RIMBP2: variants seen among roughly 807,000 people sequenced by gnomAD.
The protein encoded by RIMBP2 is RIMS-binding protein 2.
Under a neutral mutation model 118.6 loss-of-function variants are expected in RIMBP2, and 48 were observed. The observed-to-expected ratio is 0.40, with a 90% CI of 0.32 to 0.51. The LOEUF is 0.51. Ranked by LOEUF, RIMBP2 falls within the 20% of genes least tolerant of loss-of-function variation. The pLI is 0.41. For missense variants in RIMBP2, 1,551 were observed against 1,768.3 expected, an observed-to-expected ratio of 0.88 and a Z score of 2.20; for synonymous variants, 762 against 742.9, an observed-to-expected ratio of 1.03 and a Z score of -0.42.
chr12:130,399,644 G>A (rs758270659), intron 22 of RIMBP2, 35 bp downstream of exon 22: 2 of 1,612,060 alleles, frequency 1.2e-6, no homozygotes, highest in East Asian at 2.2e-5. Flanking sequence ...GGCAGAACGG[G>A]ACAGAGATTA....
intron 2 of RIMBP2, among the ~76,000 whole-genome samples, chr12:130,556,060 G>A (rs1181544598): frequency 6.6e-6 from 1 of 152,190 alleles, no homozygotes; most frequent in Non-Finnish European, 1.5e-5. Flanking sequence ...AAATGAACAG[G>A]ATGAGCAGCA....
At chr12:130,694,072 C>A (rs118101907) in intron 1 of RIMBP2, among the ~76,000 whole-genome samples, 4,363 of 152,276 alleles carry the variant, frequency 0.029, 95 homozygotes, top group South Asian at 0.047. Flanking sequence ...TGAGGCACTG[C>A]GTAACTGAGC....
At chr12:130,495,924 A>G (rs2049107001) in intron 4 of RIMBP2, among the ~76,000 whole-genome samples, 1 of 152,226 alleles carries the variant, frequency 6.6e-6, no homozygotes, top group Non-Finnish European at 1.5e-5. Context: ...TTGAACTCAG[A>G]CTGGTCTAAC....
Position 130,623,562 on chromosome 12 carries a change from C to T in RIMBP2, c.-217+4760G>A, listed in dbSNP as rs1419366626. Among the ~76,000 whole-genome samples, 2 of 152,162 alleles carry T rather than the reference C, an allele frequency of 1.3e-5. No homozygotes were observed. The highest frequency in any genetic ancestry group is 2.9e-5 in the Non-Finnish European group (2 of 68,040). On this transcript the variant is annotated intron_variant, in intron 2 of 22. Transcript: ENST00000690449. This position sits in a 1 kb window ranked among gnomAD's most constrained non-coding sequence, Gnocchi z 4.1. ...TAACTGTTGTCATCTGTGTGTGCAT[C>T]TACATATAGCACAATTGTTCATCAA...
intron 6 of RIMBP2, among the ~76,000 whole-genome samples, chr12:130,459,010 C>T (rs2079714059): frequency 6.7e-6 from 1 of 149,466 alleles, no homozygotes; most frequent in Non-Finnish European, 1.5e-5. Context: ...AGCCTCTGCA[C>T]TCCAGCCTGG....
intron 1 of RIMBP2, chr12:130,660,015 C>T (rs4759505): frequency 0.52 from 76,529 of 147,802 alleles, 20,794 homozygotes; most frequent in Non-Finnish European, 0.62. Context: ...TTTACATTCT[C>T]TTTTCTTTTC....
At chr12:130,410,201 T>G in intron 19 of RIMBP2, among the ~76,000 whole-genome samples, 1 of 152,256 alleles carries the variant, frequency 6.6e-6, no homozygotes, top group East Asian at 1.9e-4. Flanking sequence ...GAAAGGTCAC[T>G]TAAATATTTT....
chr12:130,433,304 G>A (rs1216213920), intron 14 of RIMBP2, among the ~76,000 whole-genome samples: 1 of 152,198 alleles, frequency 6.6e-6, no homozygotes, highest in Non-Finnish European at 1.5e-5. Flanking sequence ...CCCGCCCCAT[G>A]TGCGGTGCAC....
chr12:130,440,227 C>G (rs2078008521), intron 11 of RIMBP2, among the ~76,000 whole-genome samples: 1 of 146,896 alleles, frequency 6.8e-6, no homozygotes, highest in East Asian at 2.0e-4. Context: ...CGTCCCCGGG[C>G]ATGGCTAACC....
chr12:130,500,368 G>A (rs2049624678), intron 4 of RIMBP2, among the ~76,000 whole-genome samples: 1 of 152,226 alleles, frequency 6.6e-6, no homozygotes, highest in Admixed American at 6.5e-5. Context: ...TGAGGCAGGA[G>A]TATCGCTTGA....
At chr12:130,664,407 GCACGCACACA>G (rs1356159925) in intron 1 of RIMBP2, among the ~76,000 whole-genome samples, 3 of 86,072 alleles carry the variant, frequency 3.5e-5, no homozygotes, top group African/African-American at 1.2e-4. Context: ...ACGCACGCAC[GCACGCACACA>G]CACGCACACA....
At chr12:130,460,547 T>C (rs984094403) in intron 6 of RIMBP2, among the ~76,000 whole-genome samples, 2 of 152,114 alleles carry the variant, frequency 1.3e-5, no homozygotes, top group African/African-American at 4.8e-5. Flanking sequence ...AGCAGCCTAG[T>C]ATTAGCAGCA....
chr12:130,507,773 C>A (rs1436566522), intron 3 of RIMBP2, among the ~76,000 whole-genome samples: 1 of 152,222 alleles, frequency 6.6e-6, no homozygotes, highest in Non-Finnish European at 1.5e-5. Flanking sequence ...CTTGTAATTT[C>A]TTTTCCTCCT....
chr12:130,420,469 A>G lies in RIMBP2; in HGVS notation c.3238+1984T>C, dbSNP rs376439169. On this transcript the variant is annotated intron_variant, in intron 17 of 22. Coordinates refer to ENST00000690449, the MANE Select transcript of RIMBP2 (RefSeq NM_001393629.1). The surrounding 1 kb of genome is among the most constrained non-coding windows in gnomAD (Gnocchi z 4.3). Reference sequence around the variant, plus strand: ...GTGTGCTACTGAAATTAAGACACGCATGCAGCCTTTGGAATTCTACGGCTT... The same window carrying G: ...GTGTGCTACTGAAATTAAGACACGCGTGCAGCCTTTGGAATTCTACGGCTT... Among the ~76,000 whole-genome samples, 14 of 152,338 alleles carry G rather than the reference A, an allele frequency of 9.2e-5. No homozygotes were observed. In the East Asian group the frequency reaches 1.4e-3, roughly 15 times the overall value.
chr12:130,649,818 G>A (rs1486467348), intron 1 of RIMBP2, among the ~76,000 whole-genome samples: 3 of 152,080 alleles, frequency 2.0e-5, no homozygotes, highest in African/African-American at 7.2e-5. Flanking sequence ...CCCAGCCCCC[G>A]AAGAGGACGT....
In RIMBP2 at chr12:130,422,482, C is replaced by A; in HGVS notation, c.3209G>T (p.Arg1070Met). 1 of 1,612,974 alleles carries A rather than the reference C, an allele frequency of 6.2e-7. No homozygotes were observed. The highest frequency in any genetic ancestry group is 8.5e-7 in the Non-Finnish European group (1 of 1,179,224). Reference sequence around the variant, plus strand: ...GGATGGGACTGTCACGGGCCGGGACCTCTGAGGACCAGCGCTGCCACGGGG... The same window carrying A: ...GGATGGGACTGTCACGGGCCGGGACATCTGAGGACCAGCGCTGCCACGGGG... ...RFPRGSAGPQ[R>M]SRPVTVPSID... Residue 1070 changes from arginine (R) to methionine (M), a missense_variant, in exon 17 of 23, where the codon AGG (arginine) becomes ATG (methionine). Arg to Met is a moderately conservative substitution (Grantham distance 91, BLOSUM62 -1). Coordinates refer to ENST00000690449, the MANE Select transcript of RIMBP2 (RefSeq NM_001393629.1). This position sits in a 1 kb window ranked among gnomAD's most constrained non-coding sequence, Gnocchi z 5.2.
At chr12:130,496,886 C>G (rs191459550) in intron 4 of RIMBP2, among the ~76,000 whole-genome samples, 179 of 152,308 alleles carry the variant, frequency 1.2e-3, no homozygotes, top group Admixed American at 5.7e-3. Context: ...GAGCAGAGTA[C>G]AGAGAGACTG....
chr12:130,446,625 C>A lies in RIMBP2; in HGVS notation c.582-1356G>T, dbSNP rs971631987. Among the ~76,000 whole-genome samples, 3 of 152,130 alleles carry A rather than the reference C, an allele frequency of 2.0e-5. No homozygotes were observed. The East Asian group carries it at 5.8e-4, about 29-fold the overall frequency. On this transcript the variant is annotated intron_variant, in intron 9 of 22. Transcript: ENST00000690449. This position sits in a 1 kb window ranked among gnomAD's most constrained non-coding sequence, Gnocchi z 4.1. ...ATGGGCCACCCTCTAACACAAAGCT[C>A]GGCAGTGGAACGGGACAAGAGCTCT...
At chr12:130,677,964 C>T (rs1370679859) in intron 1 of RIMBP2, among the ~76,000 whole-genome samples, 1 of 152,274 alleles carries the variant, frequency 6.6e-6, no homozygotes, top group East Asian at 1.9e-4. Flanking sequence ...CTCCCTCTCC[C>T]CTCCTCTCTG....
Sources: allele counts gnomAD v4.1 joint callset (sites outside exome capture counted in the v4.1 genomes callset), GRCh38; gene constraint gnomAD v4.1.1; non-coding constraint Gnocchi (gnomAD v3.1); transcripts MANE v1.5; gene names NCBI Gene and HGNC (gene_info 2026-07-23, HGNC 2026-07-21).